RAB27B: variants seen among roughly 807,000 people sequenced by gnomAD.
RAB27B encodes RAB27B, member RAS oncogene family.
In RAB27B, 15 loss-of-function variants were observed where a neutral mutation model predicts 24.6. The observed-to-expected ratio is 0.61, with a 90% CI of 0.41 to 0.94. RAB27B has a LOEUF of 0.94. Among genes scored for constraint, RAB27B ranks in the 40% least tolerant of loss-of-function variants. The pLI, the probability that RAB27B is intolerant of heterozygous loss-of-function variation, is 0.00. For missense variants in RAB27B, 261 were observed against 266.8 expected (o/e 0.98, Z 0.15); for synonymous variants, 105 against 92.5 (o/e 1.14, Z -0.78).
chr18:54,809,059 G>A (rs1486767226), intron 2 of RAB27B, among the ~76,000 whole-genome samples: 1 of 152,132 alleles, frequency 6.6e-6, no homozygotes, highest in Non-Finnish European at 1.5e-5. Context: ...TTCCCCCATT[G>A]AATTTGTGTC....
At chr18:54,790,044 A>T (rs1400164150) in intron 2 of RAB27B, among the ~76,000 whole-genome samples, 3 of 152,124 alleles carry the variant, frequency 2.0e-5, no homozygotes, top group Non-Finnish European at 4.4e-5. Context: ...CATGAGGTAA[A>T]TTCCTTACTG....
chr18:54,850,357 T>TATATATATACACATAC (rs1264669719), intron 1 of RAB27B, among the ~76,000 whole-genome samples: 2 of 130,566 alleles, frequency 1.5e-5, no homozygotes, highest in African/African-American at 6.2e-5. Context: ...TATATATATA[T>TATATATATACACATAC]ATACATACAT....
At chr18:54,718,819 T>C (rs2144966823) in intron 2 of RAB27B, among the ~76,000 whole-genome samples, 1 of 152,330 alleles carries the variant, frequency 6.6e-6, no homozygotes, top group South Asian at 2.1e-4. Flanking sequence ...AAATTCTTTT[T>C]GAGTATTTTA....
At chr18:54,884,567 T>G in intron 4 of RAB27B, 131 bp downstream of exon 4, 1 of 586,384 alleles carries the variant, frequency 1.7e-6, no homozygotes. Flanking sequence ...TAGTGTTGCC[T>G]GTGCCACTGT....
intron 1 of RAB27B, among the ~76,000 whole-genome samples, chr18:54,842,279 G>A (rs912658757): frequency 6.7e-6 from 1 of 149,250 alleles, no homozygotes; most frequent in African/African-American, 2.5e-5. Context: ...CTAGCACAAG[G>A]AAAGCCTAGA....
Position 54,878,074 on chromosome 18 carries a change from T to C in RAB27B, c.153+336T>C, listed in dbSNP as rs147158799. On this transcript the variant is annotated intron_variant, in intron 2 of 5. Transcript: ENST00000262094. ...TTAAAAACATTAACTCTGATCTGAG[T>C]TAAAGTCCTCAATAAGAGCAAGTGA... is the stretch of plus-strand genomic sequence containing the variant. Among the ~76,000 whole-genome samples, 385 of 152,232 alleles carry C rather than the reference T, an allele frequency of 2.5e-3. 3 individuals carry two copies. Among genetic ancestry groups the C allele is most frequent in the African/African-American group, 8.5e-3 (354 of 41,550 alleles).
intron 2 of RAB27B, among the ~76,000 whole-genome samples, chr18:54,784,910 T>C (rs957182785): frequency 2.0e-5 from 3 of 152,170 alleles, no homozygotes; most frequent in African/African-American, 4.8e-5. Flanking sequence ...ATTCCTCAGA[T>C]AGAATTCCTC....
At chr18:54,742,718 G>A (rs998851710) in intron 2 of RAB27B, among the ~76,000 whole-genome samples, 3 of 152,154 alleles carry the variant, frequency 2.0e-5, no homozygotes, top group African/African-American at 7.2e-5. Flanking sequence ...ACAGAAAACA[G>A]CAAATCCCTG....
intron 2 of RAB27B, among the ~76,000 whole-genome samples, chr18:54,797,820 T>C (rs1269750688): frequency 2.0e-5 from 3 of 152,336 alleles, no homozygotes; most frequent in Non-Finnish European, 4.4e-5. Flanking sequence ...AGACAGTTTA[T>C]TTGCATAATG....
At chr18:54,729,902 G>T (rs1019957701) in intron 2 of RAB27B, among the ~76,000 whole-genome samples, 7 of 152,158 alleles carry the variant, frequency 4.6e-5, no homozygotes, top group African/African-American at 1.7e-4. Flanking sequence ...ATTAGTGATT[G>T]TTCAGTTAAT....
chr18:54,857,401 C>T (rs1219681894), intron 1 of RAB27B, among the ~76,000 whole-genome samples: 1 of 152,188 alleles, frequency 6.6e-6, no homozygotes, highest in East Asian at 1.9e-4. Context: ...GTAGCTTTTG[C>T]ATGTTGGATA....
intron 1 of RAB27B, among the ~76,000 whole-genome samples, chr18:54,835,773 G>A (rs779804608): frequency 2.6e-5 from 4 of 151,950 alleles, no homozygotes; most frequent in East Asian, 1.9e-4. Context: ...TGCTTTTCTC[G>A]TGTAAAGTCA....
At chr18:54,746,803 A>T (rs1228802235) in intron 2 of RAB27B, among the ~76,000 whole-genome samples, 1 of 152,186 alleles carries the variant, frequency 6.6e-6, no homozygotes, top group African/African-American at 2.4e-5. Flanking sequence ...TGTGTGTTAA[A>T]TACTTAATGC....
At chr18:54,820,195 A>G (rs1910261348) in intron 2 of RAB27B, among the ~76,000 whole-genome samples, 1 of 152,212 alleles carries the variant, frequency 6.6e-6, no homozygotes, top group Non-Finnish European at 1.5e-5. Context: ...GAATCGCCAC[A>G]CTGACTTCCA....
chr18:54,811,449 A>G (rs1909961469), intron 2 of RAB27B, among the ~76,000 whole-genome samples: 1 of 152,186 alleles, frequency 6.6e-6, no homozygotes, highest in African/African-American at 2.4e-5. Flanking sequence ...GGTAGATAAG[A>G]GACAAACTAC....
intron 2 of RAB27B, among the ~76,000 whole-genome samples, chr18:54,728,336 C>T (rs1168696707): frequency 6.6e-6 from 1 of 152,118 alleles, no homozygotes; most frequent in Non-Finnish European, 1.5e-5. Context: ...ATGGCAGCCT[C>T]AGTGGGGTGA....
intron 2 of RAB27B, among the ~76,000 whole-genome samples, chr18:54,783,271 G>A (rs1438265959): frequency 1.3e-5 from 2 of 151,996 alleles, no homozygotes; most frequent in Admixed American, 1.3e-4. Context: ...TTGGCCTCAT[G>A]ATGACTTTTT....
chr18:54,766,198 C>T (rs1198921528), intron 2 of RAB27B, among the ~76,000 whole-genome samples: 1 of 151,998 alleles, frequency 6.6e-6, no homozygotes, highest in Non-Finnish European at 1.5e-5. Context: ...GGTAGACCCT[C>T]CAGAAATAAT....
chr18:54,718,613 G>C (rs547492743), intron 2 of RAB27B, among the ~76,000 whole-genome samples: 1 of 152,238 alleles, frequency 6.6e-6, no homozygotes, highest in East Asian at 1.9e-4. Context: ...AATCTAGTTT[G>C]CTTTTTCTTA....
Sources: allele counts gnomAD v4.1 joint callset (sites outside exome capture counted in the v4.1 genomes callset), GRCh38; gene constraint gnomAD v4.1.1; transcripts MANE v1.5; gene names NCBI Gene and HGNC (gene_info 2026-07-23, HGNC 2026-07-21).